The following TRPA1 variants were observed in gnomAD, a reference collection of about 807,000 sequenced individuals.
TRPA1 encodes the protein transient receptor potential cation channel subfamily A member 1.
Under a neutral mutation model 131.3 loss-of-function variants are expected in TRPA1, and 129 were observed. That is an observed-to-expected ratio of 0.98 (90% CI 0.85 to 1.14). The LOEUF (loss-of-function observed/expected upper bound fraction) is 1.14, where lower values mean the gene tolerates loss of function less well. Among genes scored for constraint, TRPA1 ranks in the 50% most tolerant of loss-of-function variants. The pLI is 0.00. For missense variants in TRPA1, 1,304 were observed against 1,354.2 expected (o/e 0.96, Z 0.58); for synonymous variants, 441 against 451.7 (o/e 0.98, Z 0.30).
chr8:72,071,805 T>A lies in TRPA1; in HGVS notation c.174A>T (p.Arg58Ser), dbSNP rs375975650. The A allele has an allele frequency of 4.3e-5, 69 of 1,613,188 alleles. 1 individual carries two copies. In the African/African-American group the frequency reaches 7.2e-4, roughly 17 times the overall value. ...AGAAGAAGGTGTCCATATCGTCACA[T>A]CTTTTTAATTTCTTTTGCTTATTAA... Reference protein sequence around the residue: ...QNFNKQKKLKRCDDMDTFFLH... With the variant: ...QNFNKQKKLKSCDDMDTFFLH... The change falls in exon 2 of 27, where the codon AGA becomes AGT. Residue 58 changes from arginine (R) to serine (S), a missense_variant. Arg to Ser is a moderately radical substitution (Grantham distance 110, BLOSUM62 -1). Transcript: ENST00000262209.
chr8:72,075,677 G>C (rs374787644), upstream of TRPA1: 358 of 505,310 alleles, frequency 7.1e-4, no homozygotes, highest in African/African-American at 6.1e-3. Context: ...CGCAAAGAGG[G>C]CGGCGGCGCC....
At chr8:72,068,902 G>T in intron 3 of TRPA1, 121 bp downstream of exon 3, 1 of 981,394 alleles carries the variant, frequency 1.0e-6, no homozygotes, top group Admixed American at 1.8e-5. Context: ...TGTAATAATT[G>T]CATTTTGTTT....
the TRPA1 span, among the ~76,000 whole-genome samples, chr8:72,085,209 G>A: frequency 2.0e-5 from 3 of 152,028 alleles, no homozygotes; most frequent in Middle Eastern, 3.4e-3. Flanking sequence ...AGATTCTATC[G>A]TCCAATATAT....
At chr8:72,046,170 G>A (rs999020494) in intron 17 of TRPA1, among the ~76,000 whole-genome samples, 3 of 151,986 alleles carry the variant, frequency 2.0e-5, no homozygotes, top group Non-Finnish European at 4.4e-5. Flanking sequence ...CAGTTCTTAT[G>A]TGACCATTAG....
At chr8:72,041,407 G>T (rs113527295) in intron 17 of TRPA1, 1 of 151,942 alleles carries the variant, frequency 6.6e-6, no homozygotes, top group Admixed American at 6.6e-5. Context: ...TGCAACAGAA[G>T]AATAGATATT....
chr8:72,040,375 G>T (rs1812212294), intron 17 of TRPA1, among the ~76,000 whole-genome samples: 1 of 152,030 alleles, frequency 6.6e-6, no homozygotes, highest in South Asian at 2.1e-4. Flanking sequence ...ACAATACACA[G>T]AACATTTTCT....
At chr8:72,025,244 G>A (rs1409711133) in intron 25 of TRPA1, among the ~76,000 whole-genome samples, 1 of 151,976 alleles carries the variant, frequency 6.6e-6, no homozygotes, top group African/African-American at 2.4e-5. Flanking sequence ...TTGTATCATA[G>A]GGGCGGTTTC....
chr8:72,038,641 T>A, intron 19 of TRPA1: 1 of 490,324 alleles, frequency 2.0e-6, no homozygotes. Flanking sequence ...CTAACACATG[T>A]CAATTCTTTT....
intron 15 of TRPA1, among the ~76,000 whole-genome samples, chr8:72,049,632 T>C (rs370624749): frequency 3.3e-5 from 5 of 152,174 alleles, no homozygotes; most frequent in African/African-American, 4.8e-5. Flanking sequence ...ATGTTTGTCT[T>C]GTCTGGGGTG....
intron 24 of TRPA1, chr8:72,029,589 A>C: frequency 4.4e-6 from 2 of 457,796 alleles, no homozygotes; most frequent in Non-Finnish European, 8.0e-6. Flanking sequence ...TTGACTCATG[A>C]TTTTTGACTT....
intron 25 of TRPA1, 91 bp downstream of exon 25, chr8:72,025,863 CTCAAAG>C: frequency 9.7e-7 from 1 of 1,030,800 alleles, no homozygotes; most frequent in Non-Finnish European, 1.5e-6. Context: ...GCAGAGAAGA[CTCAAAG>C]TCTATAAAAG....
At chr8:72,030,111 A>C in intron 23 of TRPA1, 142 bp from the exon 24 acceptor site, 1 of 828,258 alleles carries the variant, frequency 1.2e-6, no homozygotes, top group Non-Finnish European at 2.1e-6. Flanking sequence ...TTAATTGCTT[A>C]TGGTTCTGCA....
At chr8:72,081,638 A>G in the TRPA1 span, among the ~76,000 whole-genome samples, 1 of 151,752 alleles carries the variant, frequency 6.6e-6, no homozygotes, top group Non-Finnish European at 1.5e-5. Flanking sequence ...TCTTCTCACA[A>G]TTCTGTCAGG....
chr8:72,049,233 T>C (rs961279964), intron 15 of TRPA1, among the ~76,000 whole-genome samples: 1 of 152,204 alleles, frequency 6.6e-6, no homozygotes, highest in African/African-American at 2.4e-5. Flanking sequence ...AGGTATATTA[T>C]GTACAAACCA....
intron 8 of TRPA1, among the ~76,000 whole-genome samples, chr8:72,058,084 C>T (rs188625395): frequency 1.3e-5 from 2 of 152,256 alleles, no homozygotes; most frequent in African/African-American, 2.4e-5. Context: ...GCTCTTGTTA[C>T]CGCTTGAACC....
chr8:72,043,339 G>C (rs1002362272), intron 17 of TRPA1, among the ~76,000 whole-genome samples: 1 of 151,678 alleles, frequency 6.6e-6, no homozygotes, highest in Non-Finnish European at 1.5e-5. Context: ...TCTTCAATTT[G>C]CTTATTTATT....
At chr8:72,037,892 A>G in intron 20 of TRPA1, 91 bp downstream of exon 20, 1 of 774,372 alleles carries the variant, frequency 1.3e-6, no homozygotes, top group East Asian at 2.7e-5. Flanking sequence ...TTTTATTATG[A>G]CATAATATCT....
At chr8:72,062,571 C>T (rs3735945) in intron 6 of TRPA1, among the ~76,000 whole-genome samples, 24,580 of 151,988 alleles carry the variant, frequency 0.16, 2,465 homozygotes, top group East Asian at 0.29. Flanking sequence ...GATATATAGT[C>T]TTTGTTGTAT....
chr8:72,062,655 T>A (rs1805834210), intron 6 of TRPA1, 144 bp downstream of exon 6: 2 of 868,280 alleles, frequency 2.3e-6, no homozygotes, highest in Non-Finnish European at 3.6e-6. Flanking sequence ...GGATATTCTC[T>A]TGTTCTGCTT....
Sources: allele counts gnomAD v4.1 joint callset (sites outside exome capture counted in the v4.1 genomes callset), GRCh38; gene constraint gnomAD v4.1.1; transcripts MANE v1.5; gene names NCBI Gene and HGNC (gene_info 2026-07-23, HGNC 2026-07-21).